The following WDR86 variants were observed in gnomAD, a reference collection of about 807,000 sequenced individuals.
The protein encoded by WDR86 is WD repeat domain 86, also known as WD repeat-containing protein 86.
Under a neutral mutation model 36.5 loss-of-function variants are expected in WDR86, and 30 were observed. That is an observed-to-expected ratio of 0.82 (90% CI 0.61 to 1.11). The LOEUF (loss-of-function observed/expected upper bound fraction) is 1.11, where lower values mean the gene tolerates loss of function less well. WDR86 is among the 50% of genes most tolerant of loss of function. The pLI, the probability that WDR86 is intolerant of heterozygous loss-of-function variation, is 0.00. For synonymous variants in WDR86, 255 were observed against 252.9 expected (o/e 1.01, Z -0.08); for missense variants, 545 against 561.2 (o/e 0.97, Z 0.29).
Position 151,409,323 on chromosome 7 carries a change from G to A in WDR86, c.163+104C>T. On this transcript the variant is annotated intron_variant, in intron 1 of 5. Coordinates refer to ENST00000334493, the MANE Select transcript of WDR86 (RefSeq NM_198285.3). The surrounding 1 kb of genome is among the most constrained non-coding windows in gnomAD (Gnocchi z 5.2). ...CCGCTAGTGTGCCGGGATGAGCGGG[G>A]GCTGGACTTCTAGAAAGGGGTCTGC... 6.7e-7 allele frequency: 1 copy of A among 1,492,718 alleles called. No homozygotes were observed. Among genetic ancestry groups the A allele is most frequent in the Non-Finnish European group, 9.1e-7 (1 of 1,100,614 alleles). 92.5% of individuals were successfully genotyped at this position (1,492,718 alleles called of 1,614,324 possible).
rs1299852727 is a variant in WDR86 at position 151,405,929 on chromosome 7, A to G, written c.163+3498T>C. On this transcript the variant is annotated intron_variant, in intron 1 of 5. Transcript: ENST00000334493. The surrounding 1 kb of genome is among the most constrained non-coding windows in gnomAD (Gnocchi z 4.7). The stretch of plus-strand genomic sequence containing the variant: ...CACCTTCAGGCTGAGTCCCCTACTC[A>G]ACAGGAACAGGATAGGATAGGTACT... 6.6e-6 allele frequency among the ~76,000 whole-genome samples: 1 copy of G among 152,228 alleles called. No individual in the cohort carries two copies. Among genetic ancestry groups the G allele is most frequent in the Non-Finnish European group, 1.5e-5 (1 of 68,040 alleles).
downstream of WDR86, among the ~76,000 whole-genome samples, chr7:151,371,268 T>TA (rs1797943058): frequency 6.6e-6 from 1 of 152,124 alleles, no homozygotes; most frequent in Non-Finnish European, 1.5e-5. Flanking sequence ...CGTTTACTTG[T>TA]AAAAAGTCCA....
chr7:151,403,281 G>T (rs1800468987), intron 1 of WDR86, among the ~76,000 whole-genome samples: 1 of 152,170 alleles, frequency 6.6e-6, no homozygotes, highest in South Asian at 2.1e-4. Flanking sequence ...AGGAACTCGG[G>T]GACCAGGAAG....
chr7:151,373,339 CT>C (rs540521009), downstream of WDR86, among the ~76,000 whole-genome samples: 1 of 152,270 alleles, frequency 6.6e-6, no homozygotes, highest in East Asian at 1.9e-4. Context: ...GCAAAATCCC[CT>C]TTTTAAATGA....
At chr7:151,376,475 A>T (rs908954501), downstream of WDR86, 96 of 696,686 alleles carry the variant, frequency 1.4e-4, no homozygotes, top group African/African-American at 1.5e-3. Flanking sequence ...AGGTTGCTCT[A>T]CGCTCACATT....
intron 3 of WDR86, among the ~76,000 whole-genome samples, chr7:151,393,379 C>T (rs117081389): frequency 2.4e-3 from 372 of 152,272 alleles, no homozygotes; most frequent in Non-Finnish European, 4.1e-3. Context: ...GGACACCCTA[C>T]GCTCCCACTC....
In WDR86 at chr7:151,405,824, G is replaced by A. The variant is rs1380555094; in HGVS notation, c.163+3603C>T. Among the ~76,000 whole-genome samples the A allele has an allele frequency of 6.6e-6, 1 of 152,226 alleles. No individual in the cohort carries two copies. The highest frequency in any genetic ancestry group is 1.5e-5 in the Non-Finnish European group (1 of 68,046). ...TCCCAGCAAATGGGAATGTGGGGTT[G>A]TACCCAGGAAATTAACAACAATCCC... On this transcript the variant is annotated intron_variant, in intron 1 of 5. Transcript: ENST00000334493. This position sits in a 1 kb window ranked among gnomAD's most constrained non-coding sequence, Gnocchi z 4.7.
intron 1 of WDR86, among the ~76,000 whole-genome samples, chr7:151,407,331 G>A (rs1165017140): frequency 1.3e-5 from 2 of 152,256 alleles, no homozygotes; most frequent in Non-Finnish European, 2.9e-5. Context: ...AGCTGGGCAG[G>A]AGGGTGGGCC....
Position 151,396,210 on chromosome 7 carries a change from G to A in WDR86, c.306-14C>T. ...GCAACCAGGATCCTGGGGGCAAGAG[G>A]GAAGGGGTCAGGGATCAGAAGGCAC... On this transcript the variant is annotated splice_polypyrimidine_tract_variant and intron_variant, in intron 2 of 5. Coordinates refer to ENST00000334493, the MANE Select transcript of WDR86 (RefSeq NM_198285.3). 2 of 1,612,786 alleles carry A rather than the reference G, an allele frequency of 1.2e-6. No individual in the cohort carries two copies. Among genetic ancestry groups the A allele is most frequent in the Non-Finnish European group, 1.7e-6 (2 of 1,179,854 alleles).
At chr7:151,374,751 CCT>C (rs1445430713), downstream of WDR86, 1 of 171,636 alleles carries the variant, frequency 5.8e-6, no homozygotes, top group African/African-American at 2.4e-5. Flanking sequence ...CACTTCCTTC[CCT>C]GTGTTGGAGA....
At chr7:151,397,565 G>A (rs1161719065) in intron 2 of WDR86, among the ~76,000 whole-genome samples, 2 of 151,596 alleles carry the variant, frequency 1.3e-5, no homozygotes, top group African/African-American at 2.4e-5. Flanking sequence ...CTGGGATTAC[G>A]TGTATTTTTA....
rs760283764 is a variant in WDR86 at position 151,390,449 on chromosome 7, G to A, written c.727-5226C>T. ...CTGTGGGCAGAGGGGATGGTACGGC[G>A]CCCACCTCCCATCCCTTTCCCTCTA... On this transcript the variant is annotated intron_variant, in intron 3 of 5. Coordinates refer to ENST00000334493, the MANE Select transcript of WDR86 (RefSeq NM_198285.3). This position sits in a 1 kb window ranked among gnomAD's most constrained non-coding sequence, Gnocchi z 4.5. 1.3e-5 allele frequency among the ~76,000 whole-genome samples: 2 copies of A among 151,642 alleles called. No homozygotes were observed. Among genetic ancestry groups the A allele is most frequent in the East Asian group, 1.9e-4 (1 of 5,162 alleles).
chr7:151,396,815 T>G (rs1799858382), intron 2 of WDR86, among the ~76,000 whole-genome samples: 1 of 152,308 alleles, frequency 6.6e-6, no homozygotes, highest in East Asian at 1.9e-4. Context: ...GGGCCTCTGC[T>G]GCCAGCTCTC....
At chr7:151,384,845 C>CCT (rs1212683787) in intron 4 of WDR86, among the ~76,000 whole-genome samples, 1 of 152,224 alleles carries the variant, frequency 6.6e-6, no homozygotes, top group Non-Finnish European at 1.5e-5. Context: ...CCTAGACCCT[C>CCT]CCAGCAGTCC....
At chr7:151,370,190 G>C in the WDR86 span, among the ~76,000 whole-genome samples, 1 of 151,884 alleles carries the variant, frequency 6.6e-6, no homozygotes, top group Non-Finnish European at 1.5e-5. Flanking sequence ...AGGTTCAAGT[G>C]ATTCTTCTGC....
chr7:151,405,317 T>G lies in WDR86; in HGVS notation c.163+4110A>C, dbSNP rs1584794478. Among the ~76,000 whole-genome samples, 1 of 152,258 alleles carries G rather than the reference T, an allele frequency of 6.6e-6. No individual in the cohort carries two copies. On this transcript the variant is annotated intron_variant, in intron 1 of 5. Transcript: ENST00000334493. The surrounding 1 kb of genome is among the most constrained non-coding windows in gnomAD (Gnocchi z 4.7). ...CTGCAGGGCTCCCTCAGGCTGGCTGTGGCCATCCAACCTGGAAGGAAGCCC... is the reference window on the plus strand; with the variant it reads ...CTGCAGGGCTCCCTCAGGCTGGCTGGGGCCATCCAACCTGGAAGGAAGCCC...
chr7:151,389,968 T>G (rs565310103), intron 3 of WDR86, among the ~76,000 whole-genome samples: 1 of 152,118 alleles, frequency 6.6e-6, no homozygotes, highest in Non-Finnish European at 1.5e-5. Flanking sequence ...TGAGAGCAGT[T>G]TGTGGATGGG....
At chr7:151,402,456 G>A (rs919104878) in intron 1 of WDR86, among the ~76,000 whole-genome samples, 8 of 152,178 alleles carry the variant, frequency 5.3e-5, no homozygotes, top group African/African-American at 1.7e-4. Flanking sequence ...GGCCCAGAAG[G>A]GAAGACAGTC....
chr7:151,398,441 G>A (rs536924973), intron 2 of WDR86, among the ~76,000 whole-genome samples: 19 of 151,616 alleles, frequency 1.3e-4, no homozygotes, highest in African/African-American at 4.6e-4. Context: ...TGTAAGTTGT[G>A]TATGAGTGTA....
Sources: allele counts gnomAD v4.1 joint callset (sites outside exome capture counted in the v4.1 genomes callset), GRCh38; gene constraint gnomAD v4.1.1; non-coding constraint Gnocchi (gnomAD v3.1); transcripts MANE v1.5; gene names NCBI Gene and HGNC (gene_info 2026-07-23, HGNC 2026-07-21).